Variants in MAP3K5 observed in about 807,000 individuals in gnomAD.
MAP3K5 encodes ASK-1.
In MAP3K5, 56 loss-of-function variants were observed where a neutral mutation model predicts 158.7. The observed-to-expected ratio is 0.35, with a 90% CI of 0.28 to 0.44. MAP3K5 has a LOEUF of 0.44. Among genes scored for constraint, MAP3K5 ranks in the 20% least tolerant of loss-of-function variants. The probability of loss-of-function intolerance (pLI) is 1.00; values close to 1 mark genes in which losing one functional copy is unlikely to be tolerated. For missense variants in MAP3K5, 1,294 were observed against 1,674.8 expected (o/e 0.77, Z 3.97); for synonymous variants, 579 against 601.7 (o/e 0.96, Z 0.55).
At chr6:136,680,265 ATGGT>A (rs1477885788) in intron 7 of MAP3K5, among the ~76,000 whole-genome samples, 1 of 152,224 alleles carries the variant, frequency 6.6e-6, no homozygotes, top group Admixed American at 6.5e-5. Context: ...GATGGTGATG[ATGGT>A]TGCATAACAA....
Position 136,569,864 on chromosome 6 carries a change from A to G in MAP3K5, c.3518-1990T>C, listed in dbSNP as rs932928985. On this transcript the variant is annotated intron_variant, in intron 25 of 29. Transcript: ENST00000359015. ...AATTAAATCCTTAAACTTGGTCCAC[A>G]AAAAGGAATTACAGTCATAATTTAA... 5.3e-5 allele frequency among the ~76,000 whole-genome samples: 8 copies of G among 152,222 alleles called. No individual in the cohort carries two copies. In the East Asian group the frequency reaches 1.3e-3, roughly 26 times the overall value.
At chr6:136,604,380 C>T (rs1358487592) in intron 19 of MAP3K5, among the ~76,000 whole-genome samples, 1 of 151,746 alleles carries the variant, frequency 6.6e-6, no homozygotes, top group African/African-American at 2.4e-5. Context: ...AAGAAAAAGT[C>T]CTTTGCCTTG....
intron 1 of MAP3K5, among the ~76,000 whole-genome samples, chr6:136,761,254 CG>C: frequency 7.1e-6 from 1 of 140,200 alleles, no homozygotes; most frequent in East Asian, 2.1e-4. Context: ...GTGAGCACTA[CG>C]GGCACAAGAA....
chr6:136,689,370 T>G (rs560824309), intron 7 of MAP3K5, among the ~76,000 whole-genome samples: 3 of 152,312 alleles, frequency 2.0e-5, no homozygotes, highest in African/African-American at 4.8e-5. Flanking sequence ...GTAATAAAAA[T>G]TCATAGTACA....
At chr6:136,580,873 G>T (rs1485190695) in intron 24 of MAP3K5, among the ~76,000 whole-genome samples, 1 of 151,784 alleles carries the variant, frequency 6.6e-6, no homozygotes, top group Admixed American at 6.6e-5. Flanking sequence ...GGAGTGCAGT[G>T]GCGGGATCAT....
At chr6:136,730,613 T>G (rs1029490274) in intron 1 of MAP3K5, among the ~76,000 whole-genome samples, 39 of 150,786 alleles carry the variant, frequency 2.6e-4, no homozygotes, top group African/African-American at 8.8e-4. Context: ...TCCCAGCTAC[T>G]CAGGAGGCTG....
At chr6:136,737,029 ATG>A (rs370906742) in intron 1 of MAP3K5, among the ~76,000 whole-genome samples, 12 of 120,584 alleles carry the variant, frequency 1.0e-4, no homozygotes, top group South Asian at 5.4e-4. Flanking sequence ...ACATATATAT[ATG>A]TGTGTGTATA....
chr6:136,725,126 G>A (rs1181935384), intron 1 of MAP3K5, among the ~76,000 whole-genome samples: 1 of 152,196 alleles, frequency 6.6e-6, no homozygotes, highest in Non-Finnish European at 1.5e-5. Flanking sequence ...GGACATTCAG[G>A]TTGTCTCCAG....
chr6:136,605,521 A>G (rs1040115611), intron 18 of MAP3K5, among the ~76,000 whole-genome samples, 155 bp from the exon 19 acceptor site: 13 of 152,256 alleles, frequency 8.5e-5, no homozygotes, highest in South Asian at 2.1e-4. Flanking sequence ...TTTCTCTGCT[A>G]TTAATAAAAG....
Position 136,628,020 on chromosome 6 carries a change from CT to C in MAP3K5, c.2017-5040del, listed in dbSNP as rs542735352. Among the ~76,000 whole-genome samples, 19 of 152,004 alleles carry C rather than the reference CT, an allele frequency of 1.2e-4. No individual in the cohort carries two copies. The East Asian group carries it at 3.7e-3, about 29-fold the overall frequency. The stretch of plus-strand genomic sequence containing the variant: ...AAGTTATAGAAAAATGTGATGAGAA[CT>C]TTTTTAGAAAAGAACTAGATCCCAA... On this transcript the variant is annotated intron_variant, in intron 14 of 29. Transcript: ENST00000359015.
At chr6:136,620,397 C>G (rs572092338) in intron 15 of MAP3K5, among the ~76,000 whole-genome samples, 1 of 152,284 alleles carries the variant, frequency 6.6e-6, no homozygotes, top group African/African-American at 2.4e-5. Context: ...TTGTAACAAA[C>G]CTGCGCATGT....
chr6:136,585,116 T>G (rs1051525692), intron 23 of MAP3K5, among the ~76,000 whole-genome samples: 3 of 140,568 alleles, frequency 2.1e-5, no homozygotes, highest in Admixed American at 7.1e-5. Flanking sequence ...TTTTTTTTTT[T>G]TTGTTTTTTT....
chr6:136,739,194 T>TG lies in MAP3K5; in HGVS notation c.449-18606dup, dbSNP rs546462832. ...AAATAAAGGGATGTAGAAGTAAATG[T>TG]GGCCTATCAGTAGTCAGTGCTGACC... is the stretch of plus-strand genomic sequence containing the variant. On this transcript the variant is annotated intron_variant, in intron 1 of 29. Coordinates refer to ENST00000359015, the MANE Select transcript of MAP3K5 (RefSeq NM_005923.4). Among the ~76,000 whole-genome samples, 93 of 152,268 alleles carry TG rather than the reference T, an allele frequency of 6.1e-4. 3 individuals are homozygous for TG. In the South Asian group the frequency reaches 0.018, roughly 30 times the overall value.
At chr6:136,688,212 T>G (rs1034525691) in intron 7 of MAP3K5, among the ~76,000 whole-genome samples, 2 of 152,114 alleles carry the variant, frequency 1.3e-5, no homozygotes, top group Non-Finnish European at 2.9e-5. Flanking sequence ...AAGTGGGTGT[T>G]GAACAATGAG....
intron 1 of MAP3K5, among the ~76,000 whole-genome samples, chr6:136,767,760 G>C (rs1238429488): frequency 6.6e-6 from 1 of 152,102 alleles, no homozygotes; most frequent in Non-Finnish European, 1.5e-5. Flanking sequence ...GAAAGCTGGA[G>C]GCCTCACACT....
At chr6:136,655,780 A>C (rs1778717588) in intron 10 of MAP3K5, among the ~76,000 whole-genome samples, 1 of 152,142 alleles carries the variant, frequency 6.6e-6, no homozygotes, top group Admixed American at 6.5e-5. Flanking sequence ...ACTAGAGACC[A>C]GCAAAAATGA....
At position 136,792,411 on chromosome 6, in the gene MAP3K5, G is replaced by A; in HGVS notation, c.-254C>T. 2 of 988,042 alleles carry A rather than the reference G, an allele frequency of 2.0e-6. No individual in the cohort carries two copies. The highest frequency in any genetic ancestry group is 2.4e-6 in the Non-Finnish European group (2 of 831,804). The allele number at this position is 988,042 out of a possible 1,614,324, so 61.2% of individuals were successfully genotyped here. Reference sequence around the variant, plus strand: ...CCTCTGCAGAGTTTAGAGTACAAGGGGTGGGGAAGCCGGGTGAGCGGGAAG... The same window carrying A: ...CCTCTGCAGAGTTTAGAGTACAAGGAGTGGGGAAGCCGGGTGAGCGGGAAG... On this transcript the variant is annotated 5_prime_UTR_variant, in exon 1 of 30. Coordinates refer to ENST00000359015, the MANE Select transcript of MAP3K5 (RefSeq NM_005923.4). This position sits in a 1 kb window ranked among gnomAD's most constrained non-coding sequence, Gnocchi z 5.7.
chr6:136,676,793 C>CTTTTTT (rs67161871), intron 7 of MAP3K5, among the ~76,000 whole-genome samples: 9 of 130,740 alleles, frequency 6.9e-5, no homozygotes, highest in East Asian at 2.1e-4. Context: ...CTTTTCTTTT[C>CTTTTTT]TTTTTTTTTT....
chr6:136,776,042 G>A (rs1316551178), intron 1 of MAP3K5, among the ~76,000 whole-genome samples: 1 of 152,202 alleles, frequency 6.6e-6, no homozygotes, highest in Non-Finnish European at 1.5e-5. Flanking sequence ...GGAGAGTCCT[G>A]AGTTCTATGA....
Sources: gnomAD v4.1 joint callset for allele counts (sites outside exome capture counted in the v4.1 genomes callset) on GRCh38, gnomAD v4.1.1 for gene constraint, Gnocchi (gnomAD v3.1) non-coding constraint, MANE v1.5 for transcripts, NCBI Gene and HGNC (gene_info 2026-07-23, HGNC 2026-07-21) for gene names.